The following ITM2C variants were observed in gnomAD, a reference collection of about 807,000 sequenced individuals.
ITM2C encodes integral membrane protein 2C.
A neutral mutation model predicts 30.0 loss-of-function variants in ITM2C; 20 were observed. The observed-to-expected ratio is 0.67, with a 90% CI of 0.47 to 0.97. ITM2C has a LOEUF of 0.97. Ranked by LOEUF, ITM2C falls within the 50% of genes least tolerant of loss-of-function variation. ITM2C has a pLI of 0.00. For missense variants in ITM2C, 366 were observed against 371.9 expected, an observed-to-expected ratio of 0.98 and a Z score of 0.13; for synonymous variants, 167 against 156.4, an observed-to-expected ratio of 1.07 and a Z score of -0.51.
chr2:230,867,471 T>A (rs3111757), intron 1 of ITM2C, among the ~76,000 whole-genome samples: 58,878 of 151,946 alleles, frequency 0.39, 13,248 homozygotes, highest in East Asian at 0.84. Flanking sequence ...GCTGTAGCTC[T>A]GTGAGCCGAG....
chr2:230,865,136 G>T lies in ITM2C; in HGVS notation c.111G>T (p.Thr37=). ...APASATEILL[T]PAREEQPPQH... is the part of the protein sequence containing the mutation. The stretch of plus-strand genomic sequence containing the variant: ...CCTCGGCCACCGAGATCCTGCTGAC[G>T]CCGGCTAGGGTGAGAGGGTCTGGGG... Residue 37 remains threonine (T), a synonymous_variant, in exon 1 of 6, where the codon ACG becomes ACT. Coordinates refer to ENST00000326427, the MANE Select transcript of ITM2C (RefSeq NM_030926.6). The surrounding 1 kb of genome is among the most constrained non-coding windows in gnomAD (Gnocchi z 6.8). 1 of 1,486,624 alleles carries T rather than the reference G, an allele frequency of 6.7e-7. No individual in the cohort carries two copies. The highest frequency in any genetic ancestry group is 9.0e-7 in the Non-Finnish European group (1 of 1,110,758). 92.1% of individuals were successfully genotyped at this position (1,486,624 alleles called of 1,614,324 possible).
At chr2:230,873,303 C>G (rs570258709) in intron 1 of ITM2C, 114 bp from the exon 2 acceptor site, 1 of 1,091,368 alleles carries the variant, frequency 9.2e-7, no homozygotes, top group African/African-American at 1.6e-5. Context: ...CCTTCCCTCC[C>G]TTTCCCCCAA....
intron 3 of ITM2C, among the ~76,000 whole-genome samples, chr2:230,876,026 C>T (rs1697286873): frequency 6.6e-6 from 1 of 152,230 alleles, no homozygotes; most frequent in African/African-American, 2.4e-5. Flanking sequence ...CTCCTGCCAG[C>T]TGCACGCTGG....
At chr2:230,864,882 G>A (rs1166474090), upstream of ITM2C, 3 of 1,041,098 alleles carry the variant, frequency 2.9e-6, no homozygotes, top group Non-Finnish European at 3.7e-6. The surrounding 1 kb of genome is among the most constrained non-coding windows in gnomAD (Gnocchi z 4.3). Flanking sequence ...CGGGGACGGG[G>A]CGGGGAGGGC....
intron 2 of ITM2C, among the ~76,000 whole-genome samples, chr2:230,874,113 T>C (rs1422338820): frequency 6.6e-6 from 1 of 152,158 alleles, no homozygotes; most frequent in Non-Finnish European, 1.5e-5. Context: ...AGTGTCGCTG[T>C]GTGCTTGGAA....
chr2:230,878,436 A>T lies in ITM2C; in HGVS notation c.*337A>T. On this transcript the variant is annotated 3_prime_UTR_variant, in exon 6 of 6. Coordinates refer to ENST00000326427, the MANE Select transcript of ITM2C (RefSeq NM_030926.6). The surrounding 1 kb of genome is among the most constrained non-coding windows in gnomAD (Gnocchi z 4.5). ...GAAGGACCGGTTGGGGGAGCCGGGC[A>T]TGTGAGGCCCTGGGCAAGGGGATGG... The T allele has an allele frequency of 5.0e-4, 82 of 162,474 alleles. No homozygotes were observed. The highest frequency in any genetic ancestry group is 2.6e-3 in the Middle Eastern group (1 of 378). The allele number at this position is 162,474 out of a possible 1,614,324, so 10.1% of individuals were successfully genotyped here. A position where few individuals can be genotyped will look rare whatever the true frequency, so the allele number is the denominator to read the frequency against.
Position 230,865,094 on chromosome 2 carries a change from G to A in ITM2C, c.69G>A (p.Ala23=), listed in dbSNP as rs1404739890. 6.6e-7 allele frequency: 1 copy of A among 1,524,908 alleles called. No homozygotes were observed. The highest frequency in any genetic ancestry group is 2.6e-5 in the East Asian group (1 of 38,242). 94.5% of individuals were successfully genotyped at this position (1,524,908 alleles called of 1,614,324 possible). Residue 23 remains alanine, a synonymous_variant, in exon 1 of 6, where the codon GCG becomes GCA. Transcript: ENST00000326427. The surrounding 1 kb of genome is among the most constrained non-coding windows in gnomAD (Gnocchi z 6.8). ...GCGACAAGGCTGACAAGGCGTCGGC[G>A]TCGGCCCCTGCGCCGGCCTCGGCCA... ...IKGDKADKAS[A]SAPAPASATE...
chr2:230,872,949 C>G (rs1697199086), intron 1 of ITM2C, among the ~76,000 whole-genome samples: 1 of 152,182 alleles, frequency 6.6e-6, no homozygotes, highest in African/African-American at 2.4e-5. Flanking sequence ...CCGGGCTCCC[C>G]ATCGTCCAGA....
chr2:230,874,476 A>C (rs1697240858), intron 2 of ITM2C, among the ~76,000 whole-genome samples: 3 of 151,980 alleles, frequency 2.0e-5, no homozygotes, highest in Non-Finnish European at 2.9e-5. Context: ...GACCTGGGCC[A>C]GCATTTCCTG....
chr2:230,868,442 A>G (rs746809665), intron 1 of ITM2C, among the ~76,000 whole-genome samples: 148 of 141,620 alleles, frequency 1.0e-3, no homozygotes, highest in Non-Finnish European at 1.5e-3. Context: ...CCTTCTCCCC[A>G]CACCCTGCCT....
In ITM2C at chr2:230,876,983, G is replaced by A. The variant is rs367785623; in HGVS notation, c.561+16G>A. The A allele has an allele frequency of 1.9e-6, 3 of 1,543,642 alleles. No individual in the cohort carries two copies. The highest frequency in any genetic ancestry group is 2.2e-5 in the East Asian group (1 of 44,532). On this transcript the variant is annotated intron_variant, in intron 4 of 5. Transcript: ENST00000326427. Reference sequence around the variant, plus strand: ...GAACGTGAAGGTGCGCAGGGGGTTGGGGGGATGTCTGCAGCATCCTGTCCC... The same window carrying A: ...GAACGTGAAGGTGCGCAGGGGGTTGAGGGGATGTCTGCAGCATCCTGTCCC...
intron 1 of ITM2C, among the ~76,000 whole-genome samples, chr2:230,869,248 A>C (rs1697105293): frequency 6.6e-6 from 1 of 152,208 alleles, no homozygotes; most frequent in Non-Finnish European, 1.5e-5. Flanking sequence ...GGCCCAGCCA[A>C]GCCGAGAGCG....
At chr2:230,870,409 C>T (rs552608501) in intron 1 of ITM2C, among the ~76,000 whole-genome samples, 18 of 152,360 alleles carry the variant, frequency 1.2e-4, no homozygotes, top group Non-Finnish European at 1.9e-4. Context: ...ATAATGGTGC[C>T]TCTGAGGGTT....
intron 1 of ITM2C, among the ~76,000 whole-genome samples, chr2:230,869,143 G>C (rs536333167): frequency 3.1e-4 from 47 of 152,284 alleles, no homozygotes; most frequent in African/African-American, 1.0e-3. Context: ...CTCTCTCCAA[G>C]TTCCCTCTCC....
Position 230,873,494 on chromosome 2 carries a change from C to T in ITM2C, c.198C>T (p.Val66=), listed in dbSNP as rs777442538. ...TGTGCTACCTGTCGATGGGCATGGT[C>T]GTGCTGCTCATGGGCCTCGTGTTCG... The part of the protein sequence containing the change: ...GGVCYLSMGM[V]VLLMGLVFAS... The change falls in exon 2 of 6, where the codon GTC becomes GTT. Residue 66 remains valine (V), a synonymous_variant. Transcript: ENST00000326427. 14 of 1,611,098 alleles carry T rather than the reference C, an allele frequency of 8.7e-6. No homozygotes were observed. Among genetic ancestry groups the T allele is most frequent in the East Asian group, 6.7e-5 (3 of 44,666 alleles).
chr2:230,868,361 C>T (rs969818181), intron 1 of ITM2C, among the ~76,000 whole-genome samples: 1 of 152,074 alleles, frequency 6.6e-6, no homozygotes. Flanking sequence ...AAAGCACTCC[C>T]TCCCAGCGCC....
Position 230,865,237 on chromosome 2 carries a change from G to C in ITM2C, c.120+92G>C. 1.0e-5 allele frequency: 13 copies of C among 1,246,618 alleles called. No homozygotes were observed. Among genetic ancestry groups the C allele is most frequent in the Non-Finnish European group, 1.3e-5 (13 of 980,282 alleles). The allele number at this position is 1,246,618 out of a possible 1,614,324, so 77.2% of individuals were successfully genotyped here. On this transcript the variant is annotated intron_variant, in intron 1 of 5. Transcript: ENST00000326427. This position sits in a 1 kb window ranked among gnomAD's most constrained non-coding sequence, Gnocchi z 6.8. ...CGGCCCTGGGGACTGCCCGAGGCGC[G>C]TCAGGGCCCCAGAGCCCGGGGTGGA...
Position 230,878,185 on chromosome 2 carries a change from C to A in ITM2C, c.*86C>A. Reference sequence around the variant, plus strand: ...GGCCCTCCTCCTTCCCCCTGCTTAGCTTGTACTTTGGACGCGTTTCTATAG... The same window carrying A: ...GGCCCTCCTCCTTCCCCCTGCTTAGATTGTACTTTGGACGCGTTTCTATAG... On this transcript the variant is annotated 3_prime_UTR_variant, in exon 6 of 6. Transcript: ENST00000326427. The surrounding 1 kb of genome is among the most constrained non-coding windows in gnomAD (Gnocchi z 4.5). 2.0e-6 allele frequency: 2 copies of A among 987,260 alleles called. No individual in the cohort carries two copies. The highest frequency in any genetic ancestry group is 2.9e-6 in the Non-Finnish European group (2 of 678,130). 61.2% of individuals were successfully genotyped at this position (987,260 alleles called of 1,614,324 possible).
rs267599257 is a variant in ITM2C at position 230,878,066 on chromosome 2, C to G, written c.771C>G (p.Phe257Leu). Reference protein sequence around the residue: ...CNAIRHFENTFVVETLICGVV With the variant: ...CNAIRHFENTLVVETLICGVV ...CCATCCGCCACTTCGAGAACACCTT[C>G]GTGGTGGAGACGCTCATCTGCGGGG... is the stretch of plus-strand genomic sequence containing the variant. Residue 257 changes from phenylalanine (F) to leucine (L), a missense_variant, in exon 6 of 6, where the codon TTC becomes TTG. Transcript: ENST00000326427. The surrounding 1 kb of genome is among the most constrained non-coding windows in gnomAD (Gnocchi z 4.5). 6.2e-7 allele frequency: 1 copy of G among 1,604,584 alleles called. No individual in the cohort carries two copies. Among genetic ancestry groups the G allele is most frequent in the East Asian group, 2.2e-5 (1 of 44,582 alleles).
Sources: gnomAD v4.1 joint callset for allele counts (sites outside exome capture counted in the v4.1 genomes callset) on GRCh38, gnomAD v4.1.1 for gene constraint, Gnocchi (gnomAD v3.1) non-coding constraint, MANE v1.5 for transcripts, NCBI Gene and HGNC (gene_info 2026-07-23, HGNC 2026-07-21) for gene names.